The following PPP3CA variants were observed in gnomAD, a reference collection of about 807,000 sequenced individuals.
The protein encoded by PPP3CA is CAM-PRP catalytic subunit.
Under a neutral mutation model 66.5 loss-of-function variants are expected in PPP3CA, and 14 were observed. The observed-to-expected ratio is 0.21, with a 90% CI of 0.14 to 0.33. The LOEUF is 0.33. PPP3CA is among the 10% of genes least tolerant of loss of function. PPP3CA has a pLI of 1.00. For missense variants in PPP3CA, 317 were observed against 639.5 expected, an observed-to-expected ratio of 0.50 and a Z score of 5.44; for synonymous variants, 232 against 226.2, an observed-to-expected ratio of 1.03 and a Z score of -0.23.
chr4:101,267,583 G>A (rs1727208444), intron 1 of PPP3CA, among the ~76,000 whole-genome samples: 1 of 152,144 alleles, frequency 6.6e-6, no homozygotes, highest in Admixed American at 6.6e-5. Context: ...ATGGGAGGCA[G>A]GAGGGGATAA....
At chr4:101,317,560 G>A (rs892148017) in intron 1 of PPP3CA, among the ~76,000 whole-genome samples, 12 of 152,054 alleles carry the variant, frequency 7.9e-5, no homozygotes, top group South Asian at 2.1e-4. Context: ...TAAGAGGCTC[G>A]AAATTAAACA....
chr4:101,036,486 A>T lies in PPP3CA; in HGVS notation c.1241+3996T>A, dbSNP rs145199760. On this transcript the variant is annotated intron_variant, in intron 11 of 13. Coordinates refer to ENST00000394854, the MANE Select transcript of PPP3CA (RefSeq NM_000944.5). ...GAGTGCAGTGGCGCAATCTCGGCTC[A>T]CTGCAAGCCCCGCCTCCGGGGTTTA... Among the ~76,000 whole-genome samples the T allele has an allele frequency of 7.0e-4, 105 of 151,036 alleles. 2 individuals carry two copies. In the East Asian group the frequency reaches 0.019, roughly 28 times the overall value.
intron 11 of PPP3CA, among the ~76,000 whole-genome samples, chr4:101,033,281 CACACACACACAA>C (rs1361665391): frequency 4.4e-4 from 38 of 85,832 alleles, no homozygotes; most frequent in Admixed American, 1.4e-3. Flanking sequence ...TAGAGACACA[CACACACACACAA>C]ACACACACAC....
intron 2 of PPP3CA, among the ~76,000 whole-genome samples, chr4:101,155,259 C>T (rs1161046886): frequency 6.6e-6 from 1 of 152,090 alleles, no homozygotes; most frequent in Non-Finnish European, 1.5e-5. Flanking sequence ...TGCTTGACAC[C>T]AGGTATATAC....
intron 1 of PPP3CA, among the ~76,000 whole-genome samples, chr4:101,321,592 A>G (rs561441898): frequency 4.5e-4 from 69 of 152,286 alleles, no homozygotes; most frequent in African/African-American, 1.6e-3. Flanking sequence ...AAAGCTATCT[A>G]TAAAAGGACT....
chr4:101,108,900 T>A, intron 3 of PPP3CA, 54 bp downstream of exon 3: 1 of 1,540,964 alleles, frequency 6.5e-7, no homozygotes, highest in Non-Finnish European at 8.8e-7. Flanking sequence ...TTTATTTTTT[T>A]GAGATACTGT....
At chr4:101,179,326 T>C (rs1427176390) in intron 2 of PPP3CA, among the ~76,000 whole-genome samples, 2 of 152,068 alleles carry the variant, frequency 1.3e-5, no homozygotes, top group Admixed American at 1.3e-4. Context: ...TTGGATACCA[T>C]CCCAAGGAAA....
intron 2 of PPP3CA, among the ~76,000 whole-genome samples, chr4:101,127,078 C>A (rs1305984810): frequency 6.6e-6 from 1 of 152,008 alleles, no homozygotes; most frequent in Non-Finnish European, 1.5e-5. Context: ...TCTTGTTTTC[C>A]CTTATCTGAG....
In PPP3CA at chr4:101,313,784, T is replaced by C. The variant is rs942735116; in HGVS notation, c.58+32955A>G. Among the ~76,000 whole-genome samples the C allele has an allele frequency of 5.4e-5, 8 of 148,548 alleles. No individual in the cohort carries two copies. In the South Asian group the frequency reaches 6.2e-4, roughly 12 times the overall value. ...ATGGCTAACCTGGCTTTTTTGGTAATAGAATTTTAAATGAAAATAAAATTA... is the reference window on the plus strand; with the variant it reads ...ATGGCTAACCTGGCTTTTTTGGTAACAGAATTTTAAATGAAAATAAAATTA... On this transcript the variant is annotated intron_variant, in intron 1 of 13. Coordinates refer to ENST00000394854, the MANE Select transcript of PPP3CA (RefSeq NM_000944.5).
chr4:101,275,324 T>C (rs1408572213), intron 1 of PPP3CA, among the ~76,000 whole-genome samples: 1 of 152,224 alleles, frequency 6.6e-6, no homozygotes, highest in Non-Finnish European at 1.5e-5. Context: ...TCCTCAGGGC[T>C]GCAGGTAAGC....
intron 1 of PPP3CA, among the ~76,000 whole-genome samples, chr4:101,310,325 C>T (rs1014186709): frequency 1.3e-5 from 2 of 152,178 alleles, no homozygotes; most frequent in African/African-American, 2.4e-5. Flanking sequence ...TGTAATCACA[C>T]AAGACCTCAA....
intron 1 of PPP3CA, among the ~76,000 whole-genome samples, chr4:101,275,309 C>T (rs2110270919): frequency 6.6e-6 from 1 of 152,354 alleles, no homozygotes; most frequent in Non-Finnish European, 1.5e-5. Flanking sequence ...AAAGCACCTT[C>T]CTGATCCTCA....
At chr4:101,299,106 GTTTTTTT>G (rs556244769) in intron 1 of PPP3CA, among the ~76,000 whole-genome samples, 19,102 of 84,790 alleles carry the variant, frequency 0.23, 1,634 homozygotes, top group East Asian at 0.46. Context: ...GCCATATATC[GTTTTTTT>G]TTTTTTTTTT....
chr4:101,338,971 T>A (rs1729722865), intron 1 of PPP3CA, among the ~76,000 whole-genome samples: 1 of 152,232 alleles, frequency 6.6e-6, no homozygotes. Flanking sequence ...CAGCATAACT[T>A]ACAAGATGTT....
At chr4:101,060,229 A>C (rs950836551) in intron 10 of PPP3CA, among the ~76,000 whole-genome samples, 7 of 152,114 alleles carry the variant, frequency 4.6e-5, no homozygotes, top group African/African-American at 1.7e-4. Flanking sequence ...CTAGGACCAC[A>C]ATCATGCACC....
chr4:101,329,730 T>C (rs1257031543), intron 1 of PPP3CA, among the ~76,000 whole-genome samples: 1 of 152,164 alleles, frequency 6.6e-6, no homozygotes, highest in Non-Finnish European at 1.5e-5. Flanking sequence ...TTAAGAATTA[T>C]GCTAAATCTA....
chr4:101,050,260 G>A (rs1049568907), intron 10 of PPP3CA, among the ~76,000 whole-genome samples: 2 of 152,164 alleles, frequency 1.3e-5, no homozygotes, highest in African/African-American at 4.8e-5. Flanking sequence ...GTTCTGGGAA[G>A]TACTGTCCAT....
intron 9 of PPP3CA, 78 bp downstream of exon 9, chr4:101,063,154 C>T: frequency 6.7e-7 from 1 of 1,493,992 alleles, no homozygotes; most frequent in South Asian, 1.4e-5. Flanking sequence ...CAAAGTTCTT[C>T]TCTTTCTGAG....
chr4:101,319,323 C>T (rs932777710), intron 1 of PPP3CA, among the ~76,000 whole-genome samples: 5 of 151,972 alleles, frequency 3.3e-5, no homozygotes, highest in Admixed American at 2.0e-4. Context: ...TTTATTTTAA[C>T]CTATTGATTT....
Sources: allele counts gnomAD v4.1 joint callset (sites outside exome capture counted in the v4.1 genomes callset), GRCh38; gene constraint gnomAD v4.1.1; transcripts MANE v1.5; gene names NCBI Gene and HGNC (gene_info 2026-07-23, HGNC 2026-07-21).